The following SLC1A2 variants were observed in gnomAD, a reference collection of about 807,000 sequenced individuals.
SLC1A2 encodes the protein solute carrier family 1 member 2.
Under a neutral mutation model 48.8 loss-of-function variants are expected in SLC1A2, and 15 were observed. The ratio of observed to expected loss-of-function variants is 0.31; its 90% confidence interval spans 0.21 to 0.47. SLC1A2 has a LOEUF of 0.47. Ranked by LOEUF, SLC1A2 falls within the 20% of genes least tolerant of loss-of-function variation. The pLI is 0.99. For missense variants in SLC1A2, 502 were observed against 730.5 expected, an observed-to-expected ratio of 0.69 and a Z score of 3.61; for synonymous variants, 279 against 272.6, an observed-to-expected ratio of 1.02 and a Z score of -0.23.
At chr11:35,370,926 T>C (rs1173868171) in intron 1 of SLC1A2, 2 of 981,662 alleles carry the variant, frequency 2.0e-6, no homozygotes, top group East Asian at 2.3e-4. Context: ...ATACATGAAA[T>C]ATATGAAAAC....
In SLC1A2 at chr11:35,252,197, T is replaced by C. The variant is rs1950248268; in HGVS notation, c.*8697A>G. On this transcript the variant is annotated 3_prime_UTR_variant, in exon 11 of 11. Transcript: ENST00000278379. ...ACCTGCAGATGCATTTGCAGTTAGTTAGTCAGCAATGTTTTTTCCTGTACC... is the reference window on the plus strand; with the variant it reads ...ACCTGCAGATGCATTTGCAGTTAGTCAGTCAGCAATGTTTTTTCCTGTACC... The C allele has an allele frequency of 6.6e-6, 1 of 152,584 alleles. No individual in the cohort carries two copies. Among genetic ancestry groups the C allele is most frequent in the Admixed American group, 6.6e-5 (1 of 15,266 alleles). The allele number at this position is 152,584 out of a possible 1,614,324, so 9.5% of individuals were successfully genotyped here. A position where few individuals can be genotyped will look rare whatever the true frequency, so the allele number is the denominator to read the frequency against.
chr11:35,378,002 G>C (rs940672556), intron 1 of SLC1A2, among the ~76,000 whole-genome samples: 1 of 152,162 alleles, frequency 6.6e-6, no homozygotes, highest in East Asian at 1.9e-4. Context: ...ACATTGTGCA[G>C]GAACTTGGAG....
intron 8 of SLC1A2, chr11:35,281,832 CTGTCATATCAAAA>C (rs1388593567): frequency 3.9e-5 from 6 of 152,068 alleles, no homozygotes; most frequent in African/African-American, 1.4e-4. Context: ...TTGTACAAAG[CTGTCATATCAAAA>C]TGTCATATCA....
At chr11:35,316,196 T>G (rs530951599) in intron 2 of SLC1A2, 1 of 152,324 alleles carries the variant, frequency 6.6e-6, no homozygotes, top group African/African-American at 2.4e-5. Flanking sequence ...AGACTCAAAG[T>G]TCCCAGAAGA....
rs1269466921 is a variant in SLC1A2, at chr11:35,259,894, A to G, written c.*1000T>C. The G allele has an allele frequency of 6.6e-6, 1 of 152,252 alleles. No homozygotes were observed. Among genetic ancestry groups the G allele is most frequent in the African/African-American group, 2.4e-5 (1 of 41,472 alleles). 9.4% of individuals were successfully genotyped at this position (152,252 alleles called of 1,614,324 possible). On this transcript the variant is annotated 3_prime_UTR_variant, in exon 11 of 11. Transcript: ENST00000278379. ...ACACAAGTGTCTTCCATGTGTGAGG[A>G]CAGTAAAATGACCAGGCTTTCTAGG...
intron 1 of SLC1A2, chr11:35,374,399 G>A: frequency 1.8e-6 from 1 of 556,956 alleles, no homozygotes; most frequent in Non-Finnish European, 3.3e-6. Flanking sequence ...CCCTAGATCT[G>A]GTCACCTGTC....
intron 1 of SLC1A2, among the ~76,000 whole-genome samples, chr11:35,415,336 T>G (rs1396130594): frequency 6.6e-6 from 1 of 152,234 alleles, no homozygotes; most frequent in African/African-American, 2.4e-5. Flanking sequence ...TAGAAATTAT[T>G]TCCTGAGAAT....
At chr11:35,398,160 T>C (rs1270288509) in intron 1 of SLC1A2, among the ~76,000 whole-genome samples, 2 of 152,172 alleles carry the variant, frequency 1.3e-5, no homozygotes, top group African/African-American at 4.8e-5. Flanking sequence ...TCACGAGACA[T>C]GTAAACCTAC....
intron 6 of SLC1A2, 112 bp from the exon 7 acceptor site, chr11:35,292,632 A>G (rs1385046748): frequency 3.2e-6 from 2 of 627,060 alleles, no homozygotes; most frequent in Non-Finnish European, 5.4e-6. Context: ...TGTACAAAAA[A>G]AGACTTTTGC....
intron 1 of SLC1A2, among the ~76,000 whole-genome samples, chr11:35,389,861 C>T (rs1187231254): frequency 6.6e-6 from 1 of 152,098 alleles, no homozygotes; most frequent in African/African-American, 2.4e-5. Flanking sequence ...GATCCTCCCA[C>T]CTCAGCCTCC....
rs73439191 is a variant in SLC1A2, at chr11:35,336,406, T to C, written c.18-18890A>G. 2.6e-4 allele frequency among the ~76,000 whole-genome samples: 39 copies of C among 152,318 alleles called. 1 individual carries two copies. The highest frequency in any genetic ancestry group is 8.9e-4 in the African/African-American group (37 of 41,576). On this transcript the variant is annotated intron_variant, in intron 1 of 10. Transcript: ENST00000278379. ...ACCCTTTGAAGGTGACCCAATCAGC[T>C]CATTAATTGTTTGCTCTTGAATACT...
chr11:35,295,966 G>A (rs191327290), intron 6 of SLC1A2, among the ~76,000 whole-genome samples: 2 of 152,298 alleles, frequency 1.3e-5, no homozygotes, highest in East Asian at 3.9e-4. Flanking sequence ...CATACCTATG[G>A]AGTCAGAATG....
chr11:35,311,892 GGGA>G (rs1851705294), intron 4 of SLC1A2, among the ~76,000 whole-genome samples: 1 of 73,498 alleles, frequency 1.4e-5, no homozygotes, highest in East Asian at 5.2e-4. Flanking sequence ...GAGAGAGAGA[GGGA>G]GGGAGAGAGA....
intron 1 of SLC1A2, chr11:35,391,418 A>G (rs1854764817): frequency 6.6e-6 from 1 of 152,254 alleles, no homozygotes; most frequent in Admixed American, 6.5e-5. Context: ...GCCTGAGGCC[A>G]CCCACCTGGG....
chr11:35,396,138 C>A (rs1477165786), intron 1 of SLC1A2, among the ~76,000 whole-genome samples: 1 of 128,782 alleles, frequency 7.8e-6, no homozygotes, highest in African/African-American at 3.5e-5. Flanking sequence ...AATAAACATA[C>A]GTGTGCATGT....
chr11:35,303,951 G>A (rs765746758), intron 5 of SLC1A2, among the ~76,000 whole-genome samples: 15 of 152,144 alleles, frequency 9.9e-5, no homozygotes, highest in South Asian at 4.1e-4. Flanking sequence ...TCAGAAGACC[G>A]TGGAAAGAAC....
rs1159891406 is a variant in SLC1A2 at position 35,252,973 on chromosome 11, A to G, written c.*7921T>C. The G allele has an allele frequency of 6.6e-6, 1 of 152,486 alleles. No homozygotes were observed. The highest frequency in any genetic ancestry group is 1.9e-4 in the East Asian group (1 of 5,206). The allele number at this position is 152,486 out of a possible 1,614,324, so 9.4% of individuals were successfully genotyped here. A position where few individuals can be genotyped will look rare whatever the true frequency, so the allele number is the denominator to read the frequency against. On this transcript the variant is annotated 3_prime_UTR_variant, in exon 11 of 11. Transcript: ENST00000278379. Reference sequence around the variant, plus strand: ...TACATCTAATCTGTTTGTTTAATGAAGAGCAGGTTCAAATACATACCAATA... The same window carrying G: ...TACATCTAATCTGTTTGTTTAATGAGGAGCAGGTTCAAATACATACCAATA...
At position 35,314,997 on chromosome 11, in the gene SLC1A2, G is replaced by A. The variant is rs756102608; in HGVS notation, c.310+26C>T. ...CAGGGCAGGAGTATGACCCATGTTA[G>A]CCAGGCACTAGTGAGGTAGTCTTAC... On this transcript the variant is annotated intron_variant, in intron 3 of 10. Transcript: ENST00000278379. The A allele has an allele frequency of 5.2e-5, 82 of 1,585,128 alleles. 1 individual carries two copies. The East Asian group carries it at 1.6e-3, about 31-fold the overall frequency.
At chr11:35,300,048 T>C (rs555641005) in intron 6 of SLC1A2, among the ~76,000 whole-genome samples, 13 of 152,298 alleles carry the variant, frequency 8.5e-5, no homozygotes, top group African/African-American at 3.1e-4. Flanking sequence ...TTTCCAATGA[T>C]TGAAGATGAC....
Sources: gnomAD v4.1 joint callset for allele counts (sites outside exome capture counted in the v4.1 genomes callset) on GRCh38, gnomAD v4.1.1 for gene constraint, MANE v1.5 for transcripts, NCBI Gene and HGNC (gene_info 2026-07-23, HGNC 2026-07-21) for gene names.